The following RBFOX1 variants were observed in gnomAD, a reference collection of about 807,000 sequenced individuals.
RBFOX1 encodes the protein RNA binding fox-1 homolog 1.
A neutral mutation model predicts 57.7 loss-of-function variants in RBFOX1; 8 were observed. That is an observed-to-expected ratio of 0.14 (90% CI 0.08 to 0.25). The LOEUF is 0.25. Among genes scored for constraint, RBFOX1 ranks in the 10% least tolerant of loss-of-function variants. RBFOX1 has a pLI of 1.00. For synonymous variants in RBFOX1, 326 were observed against 222.4 expected (o/e 1.47, Z -4.15); for missense variants, 611 against 548.5 (o/e 1.11, Z -1.14).
At chr16:6,423,592 G>T (rs1369581221) in intron 2 of RBFOX1, among the ~76,000 whole-genome samples, 1 of 152,062 alleles carries the variant, frequency 6.6e-6, no homozygotes, top group East Asian at 1.9e-4. Context: ...GACAGACTGA[G>T]ACTCTGTCTC....
At chr16:6,503,091 C>G (rs542033116) in intron 2 of RBFOX1, among the ~76,000 whole-genome samples, 1 of 152,176 alleles carries the variant, frequency 6.6e-6, no homozygotes, top group Non-Finnish European at 1.5e-5. Context: ...ATATTCTCAA[C>G]AGACCTAAGA....
rs1192496608 is a variant in RBFOX1 at position 5,856,575 on chromosome 16, G to GTGCATATATATA, written c.319-10727_319-10726insGCATATATATAT. ...TGTGTGTGTGTGTATGTGTGTGTGT[G>GTGCATATATATA]TATATATATATATATATATATATAT... On this transcript the variant is annotated intron_variant, in intron 3 of 19. Transcript: ENST00000641259. Among the ~76,000 whole-genome samples, 65 of 32,926 alleles carry GTGCATATATATA rather than the reference G, an allele frequency of 2.0e-3. 2 individuals are homozygous for GTGCATATATATA. Among genetic ancestry groups the GTGCATATATATA allele is most frequent in the Non-Finnish European group, 3.0e-3 (53 of 17,408 alleles). The allele number at this position is 32,926 out of a possible 152,430, so 21.6% of individuals were successfully genotyped here.
At chr16:6,124,867 A>G (rs2096577826) in intron 1 of RBFOX1, among the ~76,000 whole-genome samples, 1 of 152,154 alleles carries the variant, frequency 6.6e-6, no homozygotes, top group Non-Finnish European at 1.5e-5. Context: ...TTTTTTAAAA[A>G]TAGCCCAAAC....
intron 3 of RBFOX1, among the ~76,000 whole-genome samples, chr16:5,767,516 C>G (rs2053828125): frequency 6.6e-6 from 1 of 152,162 alleles, no homozygotes; most frequent in African/African-American, 2.4e-5. Flanking sequence ...AGCCCCTGTG[C>G]AGACATCACA....
intron 3 of RBFOX1, among the ~76,000 whole-genome samples, chr16:6,817,527 T>G (rs1312434931): frequency 7.3e-6 from 1 of 137,336 alleles, no homozygotes; most frequent in Non-Finnish European, 1.6e-5. Flanking sequence ...AACCCTTTCT[T>G]TGCTTAAAAA....
intron 3 of RBFOX1, among the ~76,000 whole-genome samples, chr16:6,865,650 G>C (rs2142933416): frequency 6.6e-6 from 1 of 152,272 alleles, no homozygotes; most frequent in Non-Finnish European, 1.5e-5. Flanking sequence ...TTCATGACGT[G>C]TGATGACAAC....
intron 2 of RBFOX1, among the ~76,000 whole-genome samples, chr16:6,382,498 C>A (rs896185352): frequency 1.3e-5 from 2 of 152,202 alleles, no homozygotes; most frequent in Admixed American, 1.3e-4. Context: ...CCAGTTTGTG[C>A]AGCTCTTTGG....
At chr16:6,844,845 C>T (rs117325407) in intron 3 of RBFOX1, among the ~76,000 whole-genome samples, 5 of 152,038 alleles carry the variant, frequency 3.3e-5, no homozygotes, top group South Asian at 4.2e-4. Context: ...CTTGCCAGCA[C>T]CTGTTTTTTA....
At chr16:5,885,135 C>T (rs1344712782) in intron 4 of RBFOX1, among the ~76,000 whole-genome samples, 8 of 152,136 alleles carry the variant, frequency 5.3e-5, no homozygotes, top group Non-Finnish European at 1.2e-4. Flanking sequence ...TCCTTTCTCA[C>T]TTCCAAGGTA....
At chr16:6,671,325 C>T (rs1419935025) in intron 3 of RBFOX1, among the ~76,000 whole-genome samples, 2 of 152,018 alleles carry the variant, frequency 1.3e-5, no homozygotes, top group Non-Finnish European at 2.9e-5. Context: ...TGTCAGAGGT[C>T]CATGGAATAG....
intron 2 of RBFOX1, among the ~76,000 whole-genome samples, chr16:5,586,584 A>G (rs1011382887): frequency 3.3e-5 from 5 of 152,098 alleles, no homozygotes; most frequent in Non-Finnish European, 7.4e-5. Context: ...TGCAGCCTCA[A>G]CCTCCTGGGC....
chr16:5,739,049 G>A (rs762698558), intron 3 of RBFOX1, among the ~76,000 whole-genome samples: 2 of 152,140 alleles, frequency 1.3e-5, no homozygotes, highest in South Asian at 4.1e-4. Flanking sequence ...CTTTTTTGCT[G>A]TTGTCTTGAA....
At chr16:7,641,856 G>C (rs1389069521) in intron 11 of RBFOX1, among the ~76,000 whole-genome samples, 1 of 152,188 alleles carries the variant, frequency 6.6e-6, no homozygotes, top group Non-Finnish European at 1.5e-5. Context: ...CACTAAATGA[G>C]ATTGTTGTGC....
At chr16:7,282,067 A>G (rs6500944) in intron 4 of RBFOX1, among the ~76,000 whole-genome samples, 37 of 151,516 alleles carry the variant, frequency 2.4e-4, no homozygotes, top group Admixed American at 4.6e-4. Flanking sequence ...CAGGGTTTCT[A>G]TTTGTTGCCC....
chr16:5,586,408 C>A (rs2046830270), intron 2 of RBFOX1, among the ~76,000 whole-genome samples: 1 of 152,212 alleles, frequency 6.6e-6, no homozygotes, highest in African/African-American at 2.4e-5. Flanking sequence ...TGCCAGAACT[C>A]ATGCTAAGAG....
At chr16:7,690,608 G>C (rs2077105470) in intron 14 of RBFOX1, among the ~76,000 whole-genome samples, 2 of 152,120 alleles carry the variant, frequency 1.3e-5, no homozygotes, top group African/African-American at 4.8e-5. Context: ...CCTGGTACCA[G>C]CCTTCTTTCT....
At chr16:7,378,339 A>G (rs2097723144) in intron 4 of RBFOX1, among the ~76,000 whole-genome samples, 1 of 152,166 alleles carries the variant, frequency 6.6e-6, no homozygotes, top group Admixed American at 6.5e-5. Flanking sequence ...TCTACGGTTT[A>G]GGGATTGAGA....
intron 5 of RBFOX1, among the ~76,000 whole-genome samples, chr16:7,528,850 A>T (rs1024404485): frequency 6.6e-6 from 1 of 152,328 alleles, no homozygotes; most frequent in Admixed American, 6.5e-5. Context: ...CTGTTGACAG[A>T]AGTTTCAGGA....
chr16:6,586,836 G>A (rs539942490), intron 2 of RBFOX1, among the ~76,000 whole-genome samples: 3 of 152,064 alleles, frequency 2.0e-5, no homozygotes, highest in Non-Finnish European at 4.4e-5. Flanking sequence ...CGTAATTATA[G>A]GAGAAAGGGA....
Sources: allele counts gnomAD v4.1 joint callset (sites outside exome capture counted in the v4.1 genomes callset), GRCh38; gene constraint gnomAD v4.1.1; transcripts MANE v1.5; gene names NCBI Gene and HGNC (gene_info 2026-07-23, HGNC 2026-07-21).